The following PTPRD variants were observed in gnomAD, a reference collection of about 807,000 sequenced individuals.
PTPRD encodes receptor-type tyrosine-protein phosphatase delta.
In PTPRD, 34 loss-of-function variants were observed where a neutral mutation model predicts 214.5. The observed-to-expected ratio is 0.16, with a 90% CI of 0.12 to 0.21. PTPRD has a LOEUF of 0.21. PTPRD is among the 10% of genes least tolerant of loss of function. The pLI is 1.00. For missense variants in PTPRD, 2,545 were observed against 2,398.7 expected (o/e 1.06, Z -1.27); for synonymous variants, 1,128 against 845.7 (o/e 1.33, Z -5.79).
intron 6 of PTPRD, among the ~76,000 whole-genome samples, chr9:9,764,234 G>T (rs1489079063): frequency 1.3e-5 from 2 of 152,204 alleles, no homozygotes; most frequent in Non-Finnish European, 2.9e-5. Context: ...GGCATGCTAT[G>T]GAGGTATAAT....
intron 11 of PTPRD, among the ~76,000 whole-genome samples, chr9:8,922,390 C>T (rs2098833856): frequency 6.6e-6 from 1 of 152,166 alleles, no homozygotes; most frequent in South Asian, 2.1e-4. Flanking sequence ...CACATATACA[C>T]ACATCATGCT....
intron 2 of PTPRD, among the ~76,000 whole-genome samples, chr9:10,418,848 C>T (rs922958468): frequency 6.6e-6 from 1 of 151,810 alleles, no homozygotes; most frequent in African/African-American, 2.4e-5. Context: ...GAATTAGATT[C>T]CTAAGCCCTC....
rs779070490 is a variant in PTPRD at position 8,492,883 on chromosome 9, G to C, written c.2446C>G (p.Leu816Val). ...KGDGARSKPK[L>V]VSTTGAVPGK... ...TTACCTGCCCCAGTGGTGGACACCA[G>C]TTTGGGCTTGCTGCGAGCACCATCT... Residue 816 changes from leucine to valine, a missense_variant, in exon 27 of 46, where the codon CTG (leucine) becomes GTG (valine). Transcript: ENST00000381196. The C allele has an allele frequency of 1.1e-5, 17 of 1,613,632 alleles. No homozygotes were observed. Among genetic ancestry groups the C allele is most frequent in the Non-Finnish European group, 1.4e-5 (16 of 1,179,716 alleles).
intron 8 of PTPRD, among the ~76,000 whole-genome samples, chr9:9,495,961 T>A (rs1396673602): frequency 1.4e-4 from 22 of 152,144 alleles, no homozygotes; most frequent in Non-Finnish European, 1.5e-5. Context: ...GGGTGCCACC[T>A]CAGGCCCCGC....
chr9:10,306,278 G>A (rs529414627), intron 3 of PTPRD, among the ~76,000 whole-genome samples: 5 of 137,446 alleles, frequency 3.6e-5, no homozygotes, highest in South Asian at 2.1e-4. Flanking sequence ...GTCGTGGGGT[G>A]GGGGGGGCTA....
chr9:10,370,424 G>C (rs1333598213), intron 2 of PTPRD, among the ~76,000 whole-genome samples: 3 of 151,948 alleles, frequency 2.0e-5, no homozygotes, highest in Non-Finnish European at 2.9e-5. Context: ...TCTATTTTTA[G>C]TGTAAGAATT....
At chr9:8,782,065 GGT>G in intron 11 of PTPRD, among the ~76,000 whole-genome samples, 1 of 101,598 alleles carries the variant, frequency 9.8e-6, no homozygotes, top group South Asian at 3.2e-4. Flanking sequence ...TTACGTTTAT[GGT>G]ATAAAACATA....
At chr9:8,568,154 G>A (rs2089983435) in intron 14 of PTPRD, among the ~76,000 whole-genome samples, 1 of 152,018 alleles carries the variant, frequency 6.6e-6, no homozygotes, top group South Asian at 2.1e-4. Context: ...ATAGATTTTG[G>A]TTTAGTCAGC....
intron 7 of PTPRD, among the ~76,000 whole-genome samples, chr9:9,591,288 G>C (rs759176846): frequency 6.6e-6 from 1 of 151,888 alleles, no homozygotes; most frequent in South Asian, 2.1e-4. Flanking sequence ...AGGCAGCCTC[G>C]GGGACCAAAG....
intron 10 of PTPRD, among the ~76,000 whole-genome samples, chr9:9,164,014 A>G (rs903899688): frequency 2.0e-5 from 3 of 152,172 alleles, no homozygotes; most frequent in South Asian, 4.1e-4. Flanking sequence ...TATGACTTCA[A>G]CATTTATGTA....
chr9:9,324,982 G>A (rs1415029610), intron 9 of PTPRD, among the ~76,000 whole-genome samples: 1 of 152,174 alleles, frequency 6.6e-6, no homozygotes, highest in Non-Finnish European at 1.5e-5. Flanking sequence ...TGTCAGGTTT[G>A]TTAAAGATCA....
At chr9:10,218,891 T>C (rs1203764957) in intron 3 of PTPRD, among the ~76,000 whole-genome samples, 6 of 151,816 alleles carry the variant, frequency 4.0e-5, no homozygotes, top group Non-Finnish European at 8.8e-5. Flanking sequence ...AACACAAGTC[T>C]TGAAGTTAAA....
At chr9:9,102,989 C>G (rs966803716) in intron 10 of PTPRD, among the ~76,000 whole-genome samples, 4 of 152,158 alleles carry the variant, frequency 2.6e-5, no homozygotes, top group Non-Finnish European at 5.9e-5. Flanking sequence ...TTTTTATGGT[C>G]TCTGTGTCTT....
intron 11 of PTPRD, among the ~76,000 whole-genome samples, chr9:8,790,587 T>C (rs1457481957): frequency 6.6e-6 from 1 of 152,136 alleles, no homozygotes; most frequent in Non-Finnish European, 1.5e-5. Flanking sequence ...TATTCACAGA[T>C]ACATCTACAA....
chr9:8,417,639 G>T (rs2094037583), intron 35 of PTPRD, among the ~76,000 whole-genome samples: 2 of 152,210 alleles, frequency 1.3e-5, no homozygotes, highest in South Asian at 4.1e-4. Flanking sequence ...TCTGAACACA[G>T]AAAAAGTATA....
intron 3 of PTPRD, among the ~76,000 whole-genome samples, chr9:10,187,330 A>G (rs985464841): frequency 1.1e-4 from 17 of 152,194 alleles, no homozygotes; most frequent in African/African-American, 4.1e-4. Context: ...AAAAACTGAG[A>G]GGTAGCCAAT....
At chr9:9,852,202 G>C (rs541130514) in intron 5 of PTPRD, among the ~76,000 whole-genome samples, 18 of 151,926 alleles carry the variant, frequency 1.2e-4, no homozygotes, top group African/African-American at 4.3e-4. Context: ...GGAATGAAAA[G>C]GATTTTTGCA....
At chr9:9,169,656 G>T (rs2099910788) in intron 10 of PTPRD, among the ~76,000 whole-genome samples, 1 of 152,100 alleles carries the variant, frequency 6.6e-6, no homozygotes, top group Non-Finnish European at 1.5e-5. Flanking sequence ...AAAGTTAAAA[G>T]AGATTCTTCT....
intron 2 of PTPRD, among the ~76,000 whole-genome samples, chr9:10,506,791 T>G (rs1004840186): frequency 1.3e-5 from 2 of 152,142 alleles, no homozygotes; most frequent in Non-Finnish European, 2.9e-5. Flanking sequence ...GAATGTATTT[T>G]TGTAACGTAC....
Sources: gnomAD v4.1 joint callset for allele counts (sites outside exome capture counted in the v4.1 genomes callset) on GRCh38, gnomAD v4.1.1 for gene constraint, MANE v1.5 for transcripts, NCBI Gene and HGNC (gene_info 2026-07-23, HGNC 2026-07-21) for gene names.